The following LRRC7 variants were observed in gnomAD, a reference collection of about 807,000 sequenced individuals.
LRRC7 encodes the protein leucine rich repeat containing 7, also known as leucine-rich repeat-containing protein 7.
Under a neutral mutation model 175.7 loss-of-function variants are expected in LRRC7, and 23 were observed. The ratio of observed to expected loss-of-function variants is 0.13; its 90% CI spans 0.09 to 0.19. LRRC7 has a LOEUF of 0.19. Ranked by LOEUF, LRRC7 falls within the 10% of genes least tolerant of loss-of-function variation. LRRC7 has a pLI of 1.00. For missense variants in LRRC7, 1,354 were observed against 1,904.7 expected, an observed-to-expected ratio of 0.71 and a Z score of 5.38; for synonymous variants, 685 against 680.9, an observed-to-expected ratio of 1.01 and a Z score of -0.09.
At position 70,133,004 on chromosome 1, in the gene LRRC7, CAAT is replaced by C. The variant is rs1180060120; in HGVS notation, c.*11120_*11122del. On this transcript the variant is annotated 3_prime_UTR_variant, in exon 27 of 27. Coordinates refer to ENST00000651989, the MANE Select transcript of LRRC7 (RefSeq NM_001370785.2). ...TAAAGCAACAAATTGTGTTTCATCTCAATAAAATCCTCTAGTTTAAATTACTGC... is the reference window on the plus strand; with the variant it reads ...TAAAGCAACAAATTGTGTTTCATCTCAAAATCCTCTAGTTTAAATTACTGC... 6.6e-6 allele frequency among the ~76,000 whole-genome samples: 1 copy of C among 152,064 alleles called. No homozygotes were observed. The highest frequency in any genetic ancestry group is 1.5e-5 in the Non-Finnish European group (1 of 68,004).
chr1:69,723,129 G>A (rs185944123), intron 2 of LRRC7, among the ~76,000 whole-genome samples: 43 of 151,956 alleles, frequency 2.8e-4, no homozygotes, highest in Non-Finnish European at 5.0e-4. Context: ...TAATTCTCTC[G>A]AAGCAGTTAG....
intron 8 of LRRC7, among the ~76,000 whole-genome samples, chr1:69,935,173 G>A (rs113147455): frequency 2.0e-5 from 3 of 152,170 alleles, no homozygotes; most frequent in South Asian, 2.1e-4. Context: ...AATGGTTATT[G>A]GAGCAGCATC....
intron 24 of LRRC7, among the ~76,000 whole-genome samples, chr1:70,088,791 A>G (rs1334531767): frequency 7.2e-5 from 11 of 152,028 alleles, no homozygotes; most frequent in Admixed American, 6.6e-4. Flanking sequence ...CACTGATGTC[A>G]TTTCTGCTGA....
intron 25 of LRRC7, among the ~76,000 whole-genome samples, chr1:70,097,948 A>G (rs1055168889): frequency 1.5e-4 from 23 of 150,956 alleles, no homozygotes; most frequent in African/African-American, 5.1e-4. Context: ...TTATAGCAGC[A>G]TGATTTATAG....
chr1:69,800,163 G>A (rs1006793517), intron 4 of LRRC7, among the ~76,000 whole-genome samples: 3 of 151,824 alleles, frequency 2.0e-5, no homozygotes, highest in Non-Finnish European at 2.9e-5. Context: ...ATAATTTGGG[G>A]GTCAGGTAAT....
chr1:69,839,908 C>T (rs1681539367), intron 7 of LRRC7, among the ~76,000 whole-genome samples: 1 of 151,788 alleles, frequency 6.6e-6, no homozygotes, highest in African/African-American at 2.4e-5. Context: ...ATAATAACAA[C>T]AATAATTGGT....
At chr1:69,676,260 T>C (rs1488499590) in intron 1 of LRRC7, among the ~76,000 whole-genome samples, 1 of 152,024 alleles carries the variant, frequency 6.6e-6, no homozygotes, top group Non-Finnish European at 1.5e-5. Flanking sequence ...AACATAATCC[T>C]CTCTCTATGC....
At chr1:69,777,458 C>T (rs1672939812) in intron 3 of LRRC7, among the ~76,000 whole-genome samples, 1 of 152,180 alleles carries the variant, frequency 6.6e-6, no homozygotes, top group Non-Finnish European at 1.5e-5. Context: ...TCACCTTCAT[C>T]TATTCTCATA....
chr1:70,051,654 T>C (rs764464206), intron 22 of LRRC7, among the ~76,000 whole-genome samples: 2 of 151,668 alleles, frequency 1.3e-5, no homozygotes, highest in Non-Finnish European at 2.9e-5. Context: ...GTACCTTTTT[T>C]CTCTTTTTTT....
At chr1:70,003,006 C>G (rs375764890) in intron 11 of LRRC7, among the ~76,000 whole-genome samples, 1 of 152,090 alleles carries the variant, frequency 6.6e-6, no homozygotes, top group African/African-American at 2.4e-5. Context: ...GATGGGGTGG[C>G]ATAAACAATA....
At chr1:70,089,842 A>T in intron 25 of LRRC7, 23 bp downstream of exon 25, 1 of 1,483,926 alleles carries the variant, frequency 6.7e-7, no homozygotes, top group Non-Finnish European at 9.3e-7. Context: ...TATCTTGTTG[A>T]CAATATTAAT....
intron 8 of LRRC7, among the ~76,000 whole-genome samples, chr1:69,977,653 A>C (rs1167514905): frequency 6.6e-6 from 1 of 152,152 alleles, no homozygotes; most frequent in African/African-American, 2.4e-5. Context: ...CTAGACATTG[A>C]GTTATAAGCA....
At chr1:69,622,555 T>A (rs1256249909) in intron 1 of LRRC7, among the ~76,000 whole-genome samples, 1 of 152,144 alleles carries the variant, frequency 6.6e-6, no homozygotes, top group African/African-American at 2.4e-5. Context: ...CATACAAAGA[T>A]GTAGAACTCT....
At chr1:70,107,105 A>G (rs1425743821) in intron 25 of LRRC7, among the ~76,000 whole-genome samples, 1 of 152,204 alleles carries the variant, frequency 6.6e-6, no homozygotes, top group Non-Finnish European at 1.5e-5. Flanking sequence ...TTCTTTCTAT[A>G]CATGGTCAAT....
chr1:69,738,357 C>A (rs950318490), intron 2 of LRRC7, among the ~76,000 whole-genome samples: 1 of 151,952 alleles, frequency 6.6e-6, no homozygotes, highest in Non-Finnish European at 1.5e-5. Flanking sequence ...TGTTTACCTG[C>A]GCCAGAGCTA....
In LRRC7 at chr1:69,602,252, T is replaced by C. The variant is rs1265062282; in HGVS notation, c.2+33611T>C. 3.3e-5 allele frequency among the ~76,000 whole-genome samples: 5 copies of C among 152,302 alleles called. No individual in the cohort carries two copies. In the East Asian group the frequency reaches 7.7e-4, roughly 24 times the overall value. On this transcript the variant is annotated intron_variant, in intron 1 of 26. Transcript: ENST00000651989. ...TTCAATCTAATACATACATTTCATT[T>C]TTTTTACACTTCCATAGTCAACCGA...
At chr1:69,634,924 A>C (rs941271433) in intron 1 of LRRC7, among the ~76,000 whole-genome samples, 3 of 152,160 alleles carry the variant, frequency 2.0e-5, no homozygotes, top group Non-Finnish European at 4.4e-5. Flanking sequence ...CTGACATTCA[A>C]GTATTTAAAA....
chr1:69,675,820 C>A (rs1367126466), intron 1 of LRRC7, among the ~76,000 whole-genome samples: 1 of 151,938 alleles, frequency 6.6e-6, no homozygotes, highest in Non-Finnish European at 1.5e-5. Flanking sequence ...AATGTTGAAG[C>A]AATTTATGTC....
intron 10 of LRRC7, among the ~76,000 whole-genome samples, chr1:69,988,291 C>T (rs1654118173): frequency 6.6e-6 from 1 of 152,094 alleles, no homozygotes; most frequent in South Asian, 2.1e-4. Context: ...CACACTCACC[C>T]AGGCATGGTG....
Sources: allele counts gnomAD v4.1 joint callset (sites outside exome capture counted in the v4.1 genomes callset), GRCh38; gene constraint gnomAD v4.1.1; transcripts MANE v1.5; gene names NCBI Gene and HGNC (gene_info 2026-07-23, HGNC 2026-07-21).